Variants in FER observed in about 807,000 individuals in gnomAD.
FER encodes FER tyrosine kinase.
FER carries 63 observed loss-of-function variants against 111.0 expected under a neutral mutation model. The ratio of observed to expected loss-of-function variants is 0.57; its 90% confidence interval spans 0.46 to 0.70. FER has a LOEUF of 0.70. FER is among the 30% of genes least tolerant of loss of function. The pLI is 0.00. For synonymous variants in FER, 327 were observed against 313.9 expected (o/e 1.04, Z -0.44); for missense variants, 914 against 954.0 (o/e 0.96, Z 0.55).
At chr5:108,771,896 G>T (rs1440032932) in intron 2 of FER, among the ~76,000 whole-genome samples, 1 of 152,064 alleles carries the variant, frequency 6.6e-6, no homozygotes, top group Non-Finnish European at 1.5e-5. Flanking sequence ...GAATGTATTT[G>T]TCTTTTTGTT....
intron 3 of FER, among the ~76,000 whole-genome samples, chr5:108,825,779 A>G (rs1759402085): frequency 6.6e-6 from 1 of 152,228 alleles, no homozygotes; most frequent in Admixed American, 6.5e-5. Context: ...GGGAACCAAT[A>G]AATGTCCATA....
chr5:108,755,100 C>T (rs961129335), intron 1 of FER, among the ~76,000 whole-genome samples: 2 of 152,076 alleles, frequency 1.3e-5, no homozygotes, highest in South Asian at 2.1e-4. Context: ...AAGGAGGACT[C>T]GAGTCATTAA....
intron 17 of FER, among the ~76,000 whole-genome samples, chr5:109,132,776 T>C (rs532061649): frequency 4.3e-4 from 66 of 152,098 alleles, no homozygotes; most frequent in Non-Finnish European, 6.5e-4. Flanking sequence ...ATAGCCCAGA[T>C]GGCAGCACCT....
At chr5:109,045,259 A>G (rs1212273462) in intron 15 of FER, among the ~76,000 whole-genome samples, 6 of 148,846 alleles carry the variant, frequency 4.0e-5, no homozygotes, top group Admixed American at 4.0e-4. Flanking sequence ...ACTTACATAT[A>G]CATTTAAGTA....
intron 9 of FER, among the ~76,000 whole-genome samples, chr5:108,888,885 C>T (rs958038069): frequency 1.3e-5 from 2 of 151,564 alleles, no homozygotes; most frequent in African/African-American, 4.9e-5. Flanking sequence ...GAGACATACA[C>T]CCCCTGCAAG....
At chr5:108,984,650 C>A (rs1288369495) in intron 13 of FER, among the ~76,000 whole-genome samples, 2 of 151,414 alleles carry the variant, frequency 1.3e-5, no homozygotes, top group Admixed American at 1.3e-4. Flanking sequence ...GTATTATGCT[C>A]ATGTCTTTTT....
chr5:109,159,520 TAGAG>T (rs1176364771), intron 17 of FER, among the ~76,000 whole-genome samples: 8 of 152,276 alleles, frequency 5.3e-5, no homozygotes, highest in African/African-American at 1.7e-4. Context: ...AAAACCTTAT[TAGAG>T]AGACAATACA....
intron 17 of FER, among the ~76,000 whole-genome samples, chr5:109,111,566 C>T (rs536916646): frequency 6.6e-6 from 1 of 152,274 alleles, no homozygotes. Context: ...CATTCTCACA[C>T]TGCTATAAAG....
intron 16 of FER, among the ~76,000 whole-genome samples, chr5:109,097,768 G>T (rs1747720023): frequency 6.6e-6 from 1 of 151,786 alleles, no homozygotes; most frequent in Non-Finnish European, 1.5e-5. Flanking sequence ...CCCATATTCT[G>T]CCTCCTGGGG....
chr5:108,769,781 T>A (rs2149961319), intron 2 of FER, among the ~76,000 whole-genome samples: 1 of 152,358 alleles, frequency 6.6e-6, no homozygotes, highest in Non-Finnish European at 1.5e-5. Flanking sequence ...AGAAACCTTT[T>A]AGAAAACTAT....
At chr5:108,994,856 T>C (rs1399576573) in intron 13 of FER, among the ~76,000 whole-genome samples, 2 of 152,214 alleles carry the variant, frequency 1.3e-5, no homozygotes, top group Non-Finnish European at 2.9e-5. Context: ...CTAGGTATTT[T>C]ATTCTCTTTG....
At chr5:108,820,745 G>C (rs1758751974) in intron 3 of FER, among the ~76,000 whole-genome samples, 1 of 152,056 alleles carries the variant, frequency 6.6e-6, no homozygotes, top group Non-Finnish European at 1.5e-5. Flanking sequence ...TTTAGTCTTT[G>C]TCCACATATT....
chr5:108,997,553 T>C (rs1764158248), intron 13 of FER, among the ~76,000 whole-genome samples: 1 of 152,150 alleles, frequency 6.6e-6, no homozygotes, highest in African/African-American at 2.4e-5. Context: ...TCTTGCCTGA[T>C]TGCCCTGGCC....
chr5:109,170,997 G>A (rs920460666), intron 17 of FER, among the ~76,000 whole-genome samples: 2 of 152,128 alleles, frequency 1.3e-5, no homozygotes, highest in African/African-American at 4.8e-5. Context: ...CCAAATTATT[G>A]CAAGTGTTCC....
chr5:109,069,492 G>A (rs1477838281), intron 16 of FER, among the ~76,000 whole-genome samples: 1 of 152,152 alleles, frequency 6.6e-6, no homozygotes, highest in Non-Finnish European at 1.5e-5. Flanking sequence ...GGAAACCAGA[G>A]TATGTAAGAC....
At chr5:108,893,926 A>G (rs1249444651) in intron 9 of FER, among the ~76,000 whole-genome samples, 1 of 152,068 alleles carries the variant, frequency 6.6e-6, no homozygotes, top group Non-Finnish European at 1.5e-5. Context: ...CACACTGCTA[A>G]TAAAGACATA....
At chr5:109,112,274 T>C (rs1218893807) in intron 17 of FER, among the ~76,000 whole-genome samples, 1 of 152,132 alleles carries the variant, frequency 6.6e-6, no homozygotes, top group Non-Finnish European at 1.5e-5. Context: ...CCAAGGTATA[T>C]TAGAAAATGA....
intron 16 of FER, among the ~76,000 whole-genome samples, chr5:109,053,717 G>A (rs1022963477): frequency 2.2e-5 from 3 of 137,590 alleles, no homozygotes; most frequent in Non-Finnish European, 4.6e-5. Context: ...TTTTGAGACG[G>A]AATCTCGCTC....
At chr5:108,968,664 G>C (rs1760217453) in intron 13 of FER, among the ~76,000 whole-genome samples, 1 of 151,912 alleles carries the variant, frequency 6.6e-6, no homozygotes, top group East Asian at 1.9e-4. Context: ...GAATATGGAA[G>C]AATGGAAGTA....
Sources: allele counts gnomAD v4.1 joint callset (sites outside exome capture counted in the v4.1 genomes callset), GRCh38; gene constraint gnomAD v4.1.1; transcripts MANE v1.5; gene names NCBI Gene and HGNC (gene_info 2026-07-23, HGNC 2026-07-21).